ESYT2: variants seen among roughly 807,000 people sequenced by gnomAD.
The protein encoded by ESYT2 is extended synaptotagmin-2.
ESYT2 carries 54 observed loss-of-function variants against 107.2 expected under a neutral mutation model. That is an observed-to-expected ratio of 0.50 (90% CI 0.40 to 0.63). The LOEUF (loss-of-function observed/expected upper bound fraction) is 0.63, where lower values mean the gene tolerates loss of function less well. Ranked by LOEUF, ESYT2 falls within the 30% of genes least tolerant of loss-of-function variation. The pLI, the probability that ESYT2 is intolerant of heterozygous loss-of-function variation, is 0.00. For synonymous variants in ESYT2, 491 were observed against 434.1 expected (o/e 1.13, Z -1.63); for missense variants, 1,020 against 1,094.5 (o/e 0.93, Z 0.96).
At chr7:158,742,150 G>T (rs112654098) in intron 17 of ESYT2, among the ~76,000 whole-genome samples, 2 of 152,134 alleles carry the variant, frequency 1.3e-5, no homozygotes, top group South Asian at 4.1e-4. Context: ...TGACCATCGC[G>T]CACTACACCA....
intron 1 of ESYT2, among the ~76,000 whole-genome samples, chr7:158,825,558 C>A (rs764942768): frequency 1.3e-5 from 2 of 152,242 alleles, no homozygotes; most frequent in Non-Finnish European, 2.9e-5. Context: ...TGAGAGCCAT[C>A]TGTCACATCC....
At chr7:158,778,045 T>A (rs1247352311) in intron 6 of ESYT2, among the ~76,000 whole-genome samples, 2 of 152,214 alleles carry the variant, frequency 1.3e-5, no homozygotes, top group African/African-American at 4.8e-5. Flanking sequence ...GGTGTGCCTA[T>A]GAACACTTTC....
chr7:158,821,176 A>C (rs759891294), intron 1 of ESYT2, among the ~76,000 whole-genome samples: 1 of 152,236 alleles, frequency 6.6e-6, no homozygotes, highest in African/African-American at 2.4e-5. Flanking sequence ...TCCATAAATA[A>C]AACATGCTTT....
At chr7:158,739,762 C>T (rs1403783596) in intron 18 of ESYT2, among the ~76,000 whole-genome samples, 4 of 151,164 alleles carry the variant, frequency 2.6e-5, no homozygotes, top group Non-Finnish European at 5.9e-5. Flanking sequence ...CACTGAGTTC[C>T]TGACCACAAC....
chr7:158,733,868 C>A lies in ESYT2; in HGVS notation c.*339G>T, dbSNP rs1307336788. The A allele has an allele frequency of 1.4e-5, 3 of 216,224 alleles. No homozygotes were observed. Among genetic ancestry groups the A allele is most frequent in the Non-Finnish European group, 2.8e-5 (3 of 107,248 alleles). 13.4% of individuals were successfully genotyped at this position (216,224 alleles called of 1,614,324 possible). On this transcript the variant is annotated 3_prime_UTR_variant, in exon 23 of 23. Transcript: ENST00000275418. ...TATAAAAAATAGTCTATTTACATGG[C>A]ATAGTATACCTCAGTGATATATAAA...
chr7:158,817,169 G>C (rs1840169027), intron 1 of ESYT2, among the ~76,000 whole-genome samples: 2 of 152,226 alleles, frequency 1.3e-5, no homozygotes, highest in Non-Finnish European at 2.9e-5. Flanking sequence ...ACTACTTCAG[G>C]CCACGATGAG....
chr7:158,748,442 C>A (rs1837476166), intron 15 of ESYT2, among the ~76,000 whole-genome samples, 162 bp from the exon 16 acceptor site: 1 of 152,114 alleles, frequency 6.6e-6, no homozygotes, highest in South Asian at 2.1e-4. Flanking sequence ...CATGTATTTG[C>A]AGGTATGCAC....
intron 1 of ESYT2, among the ~76,000 whole-genome samples, chr7:158,815,705 C>T (rs1475126694): frequency 6.6e-6 from 1 of 152,152 alleles, no homozygotes; most frequent in Non-Finnish European, 1.5e-5. Context: ...CACAGCTCCT[C>T]CTCATCCCAC....
intron 6 of ESYT2, among the ~76,000 whole-genome samples, chr7:158,786,362 T>C (rs575665534): frequency 5.5e-4 from 83 of 152,212 alleles, no homozygotes; most frequent in Middle Eastern, 3.4e-3. Context: ...ATTACTGAGG[T>C]TTTTTTGGTC....
In ESYT2 at chr7:158,767,765, T is replaced by C; in HGVS notation, c.813A>G (p.Ser271=). ...ATATTATATCCAAAATGATAGTATC[T>C]GATAAACCACTGTTAGTTGGGAGAC... ...LLDVPGLNGL[S]DTIILDIISN... The change falls in exon 8 of 23, where the codon TCA becomes TCG. Residue 271 remains serine, a synonymous_variant. Transcript: ENST00000275418. 2.5e-6 allele frequency: 4 copies of C among 1,611,442 alleles called. No individual in the cohort carries two copies. The highest frequency in any genetic ancestry group is 1.7e-6 in the Non-Finnish European group (2 of 1,178,614).
intron 6 of ESYT2, among the ~76,000 whole-genome samples, chr7:158,782,266 T>A (rs1838889741): frequency 7.1e-6 from 1 of 140,490 alleles, no homozygotes. Context: ...CAAGTATGAG[T>A]GTGAGAACAA....
At chr7:158,736,557 G>C (rs1394405008) in intron 20 of ESYT2, among the ~76,000 whole-genome samples, 1 of 152,084 alleles carries the variant, frequency 6.6e-6, no homozygotes, top group East Asian at 1.9e-4. Context: ...TCTTGAGCCA[G>C]ACCACTAAAG....
At chr7:158,784,449 G>A (rs842454) in intron 6 of ESYT2, among the ~76,000 whole-genome samples, 77,609 of 152,128 alleles carry the variant, frequency 0.51, 23,714 homozygotes, top group Non-Finnish European at 0.66. Context: ...ACTCTGGGAG[G>A]CCAAAGGGAG....
chr7:158,815,559 G>T (rs1174210864), intron 1 of ESYT2, among the ~76,000 whole-genome samples: 1 of 152,034 alleles, frequency 6.6e-6, no homozygotes, highest in East Asian at 1.9e-4. Flanking sequence ...TTTAAATTGG[G>T]ACACATCCCT....
At chr7:158,775,704 C>G (rs938538794) in intron 6 of ESYT2, among the ~76,000 whole-genome samples, 1 of 152,190 alleles carries the variant, frequency 6.6e-6, no homozygotes, top group Non-Finnish European at 1.5e-5. Flanking sequence ...CCACTGAAGT[C>G]TTAAACCCCT....
At chr7:158,743,167 C>G (rs756477457) in intron 17 of ESYT2, among the ~76,000 whole-genome samples, 9 of 152,180 alleles carry the variant, frequency 5.9e-5, no homozygotes, top group Non-Finnish European at 1.0e-4. Flanking sequence ...TCTGAACAAC[C>G]TTTGAAAAGT....
intron 1 of ESYT2, among the ~76,000 whole-genome samples, chr7:158,811,057 C>T (rs553632901): frequency 2.4e-4 from 36 of 150,538 alleles, no homozygotes; most frequent in African/African-American, 7.6e-4. Flanking sequence ...CACTCTGGGA[C>T]GCCAAGGTGG....
At chr7:158,816,483 G>A (rs1840151753) in intron 1 of ESYT2, among the ~76,000 whole-genome samples, 1 of 152,248 alleles carries the variant, frequency 6.6e-6, no homozygotes, top group Non-Finnish European at 1.5e-5. Context: ...ATGGAATGTG[G>A]CTGAGAAGCA....
chr7:158,759,121 G>C (rs1837871509), intron 13 of ESYT2, among the ~76,000 whole-genome samples: 2 of 152,284 alleles, frequency 1.3e-5, no homozygotes, highest in South Asian at 4.1e-4. Flanking sequence ...TGAGGAATCT[G>C]CATTTTGTAA....
Sources: allele counts gnomAD v4.1 joint callset (sites outside exome capture counted in the v4.1 genomes callset), GRCh38; gene constraint gnomAD v4.1.1; transcripts MANE v1.5; gene names NCBI Gene and HGNC (gene_info 2026-07-23, HGNC 2026-07-21).